Variants in EPHB1 observed in about 807,000 individuals in gnomAD.
The protein encoded by EPHB1 is EPH receptor B1.
In EPHB1, 30 loss-of-function variants were observed where a neutral mutation model predicts 94.4. The ratio of observed to expected loss-of-function variants is 0.32; its 90% CI spans 0.24 to 0.43. The LOEUF is 0.43. Ranked by LOEUF, EPHB1 falls within the 20% of genes least tolerant of loss-of-function variation. EPHB1 has a pLI of 1.00. For synonymous variants in EPHB1, 522 were observed against 489.1 expected (o/e 1.07, Z -0.89); for missense variants, 1,055 against 1,308.3 (o/e 0.81, Z 2.99).
intron 9 of EPHB1, among the ~76,000 whole-genome samples, chr3:135,176,180 C>A (rs115437536): frequency 0.048 from 7,234 of 152,144 alleles, 212 homozygotes; most frequent in Middle Eastern, 0.12. Context: ...TCAACCAAGT[C>A]ACTCTCCTGA....
Position 135,235,832 on chromosome 3 carries a change from A to G in EPHB1, c.2347-5316A>G, listed in dbSNP as rs138969231. ...CAGGATGACAAAGGGCAGTGCTTCA[A>G]GGTATGAACTGTGGCCGAGGTCTGA... On this transcript the variant is annotated intron_variant, in intron 12 of 15. Transcript: ENST00000398015. Among the ~76,000 whole-genome samples the G allele has an allele frequency of 7.9e-3, 1,204 of 152,264 alleles. 15 individuals are homozygous for G. Among genetic ancestry groups the G allele is most frequent in the Non-Finnish European group, 8.5e-3 (577 of 68,014 alleles).
At chr3:134,964,233 C>G (rs1017280849) in intron 3 of EPHB1, among the ~76,000 whole-genome samples, 1 of 152,160 alleles carries the variant, frequency 6.6e-6, no homozygotes, top group Non-Finnish European at 1.5e-5. Context: ...GGGGAGGAAT[C>G]GGGCACAAGG....
At chr3:134,864,209 A>T (rs898211275) in intron 1 of EPHB1, among the ~76,000 whole-genome samples, 8 of 151,856 alleles carry the variant, frequency 5.3e-5, no homozygotes, top group Non-Finnish European at 1.0e-4. Context: ...GTGGGGTTCT[A>T]TTCACCTCCT....
At chr3:135,006,401 G>T (rs555533157) in intron 3 of EPHB1, among the ~76,000 whole-genome samples, 1 of 152,146 alleles carries the variant, frequency 6.6e-6, no homozygotes, top group Non-Finnish European at 1.5e-5. Flanking sequence ...AGATAGTGGT[G>T]GTGGTGATAT....
chr3:135,094,993 G>A lies in EPHB1; in HGVS notation c.806-11455G>A, dbSNP rs536980525. On this transcript the variant is annotated intron_variant, in intron 3 of 15. Transcript: ENST00000398015. ...CCTCTAGCTTTGTCTGCAGGCCAGC[G>A]GTCAAGGGACAGACTTGGGGTGCAG... Among the ~76,000 whole-genome samples the A allele has an allele frequency of 3.3e-5, 5 of 152,296 alleles. No individual in the cohort carries two copies. In the East Asian group the frequency reaches 7.7e-4, roughly 24 times the overall value.
At chr3:134,995,872 A>C (rs1360022494) in intron 3 of EPHB1, among the ~76,000 whole-genome samples, 2 of 152,252 alleles carry the variant, frequency 1.3e-5, no homozygotes, top group Non-Finnish European at 2.9e-5. Context: ...AAATACAAAT[A>C]AACATAAAGA....
chr3:135,173,981 C>T (rs1941894272), intron 9 of EPHB1, among the ~76,000 whole-genome samples: 1 of 152,240 alleles, frequency 6.6e-6, no homozygotes, highest in Admixed American at 6.5e-5. Context: ...ACTGCAACCA[C>T]ATCTTCCTTT....
chr3:135,144,699 G>A (rs142217687), intron 5 of EPHB1, among the ~76,000 whole-genome samples: 6 of 152,178 alleles, frequency 3.9e-5, no homozygotes, highest in Non-Finnish European at 8.8e-5. Flanking sequence ...CTTAGTGGAT[G>A]GACCAGTGAA....
chr3:135,233,474 G>A (rs1943579870), intron 12 of EPHB1, among the ~76,000 whole-genome samples: 1 of 152,248 alleles, frequency 6.6e-6, no homozygotes, highest in Non-Finnish European at 1.5e-5. Context: ...GCTTTGCAGG[G>A]TACAGCTCCC....
intron 6 of EPHB1, among the ~76,000 whole-genome samples, chr3:135,158,042 C>T (rs1298859488): frequency 1.3e-5 from 2 of 152,196 alleles, no homozygotes; most frequent in African/African-American, 4.8e-5. Flanking sequence ...AGAGTGGATG[C>T]AAGCACCTCC....
chr3:134,930,785 G>A (rs1175459205), intron 2 of EPHB1, among the ~76,000 whole-genome samples: 2 of 152,200 alleles, frequency 1.3e-5, no homozygotes, highest in African/African-American at 2.4e-5. Flanking sequence ...CCACTGGGAC[G>A]CTCCTGGATG....
intron 3 of EPHB1, among the ~76,000 whole-genome samples, chr3:135,101,329 C>T (rs1422190636): frequency 1.4e-4 from 21 of 152,116 alleles, no homozygotes. Context: ...AATTTCATCT[C>T]CTAACCATCA....
chr3:135,176,919 A>G (rs77563726), intron 9 of EPHB1, among the ~76,000 whole-genome samples: 7,276 of 152,274 alleles, frequency 0.048, 215 homozygotes, highest in Middle Eastern at 0.12. Flanking sequence ...CAAGGTAGTT[A>G]TTTTCGAAGT....
At chr3:135,235,122 T>C (rs1050714484) in intron 12 of EPHB1, among the ~76,000 whole-genome samples, 1 of 152,224 alleles carries the variant, frequency 6.6e-6, no homozygotes, top group Non-Finnish European at 1.5e-5. Context: ...ATTTAGAATC[T>C]CTGGGAGTGG....
intron 1 of EPHB1, among the ~76,000 whole-genome samples, chr3:134,810,126 G>A (rs2036140311): frequency 6.6e-6 from 1 of 152,204 alleles, no homozygotes; most frequent in Non-Finnish European, 1.5e-5. Flanking sequence ...GTTGATCTGA[G>A]GTCCTAGGAG....
Position 134,951,439 on chromosome 3 carries a change from C to T in EPHB1, c.192C>T (p.Phe64=), listed in dbSNP as rs755589996. Residue 64 remains phenylalanine, a synonymous_variant, in exon 3 of 16, where the codon TTC becomes TTT. Coordinates refer to ENST00000398015, the MANE Select transcript of EPHB1 (RefSeq NM_004441.5). The surrounding 1 kb of genome is among the most constrained non-coding windows in gnomAD (Gnocchi z 4.5). ...GCACCTACCAGGTGTGCAATGTCTT[C>T]GAGCCCAACCAGAACAATTGGCTGC... The part of the protein sequence containing the change: ...TIRTYQVCNV[F]EPNQNNWLLT... 1.4e-5 allele frequency: 22 copies of T among 1,610,282 alleles called. No homozygotes were observed. Among genetic ancestry groups the T allele is most frequent in the Admixed American group, 1.2e-4 (7 of 59,752 alleles).
At chr3:134,864,860 G>A (rs1578149787) in intron 1 of EPHB1, among the ~76,000 whole-genome samples, 1 of 152,234 alleles carries the variant, frequency 6.6e-6, no homozygotes, top group African/African-American at 2.4e-5. Flanking sequence ...CCACAGGGCT[G>A]TCCCGGAGTG....
intron 5 of EPHB1, among the ~76,000 whole-genome samples, chr3:135,147,566 C>G (rs1175579487): frequency 6.6e-6 from 1 of 152,222 alleles, no homozygotes; most frequent in Non-Finnish European, 1.5e-5. Context: ...GGGGCAGCAG[C>G]ATCACTCTGG....
chr3:134,821,695 T>A (rs2036384033), intron 1 of EPHB1, among the ~76,000 whole-genome samples: 2 of 152,330 alleles, frequency 1.3e-5, no homozygotes, highest in South Asian at 4.1e-4. Flanking sequence ...AGCCTGGCTC[T>A]GATGTTCAAG....
Sources: gnomAD v4.1 joint callset for allele counts (sites outside exome capture counted in the v4.1 genomes callset) on GRCh38, gnomAD v4.1.1 for gene constraint, Gnocchi (gnomAD v3.1) non-coding constraint, MANE v1.5 for transcripts, NCBI Gene and HGNC (gene_info 2026-07-23, HGNC 2026-07-21) for gene names.